LONRF3: variants seen among roughly 807,000 people sequenced by gnomAD.
LONRF3 encodes the protein LON peptidase N-terminal domain and RING finger protein 3.
In LONRF3, 19 loss-of-function variants were observed where a neutral mutation model predicts 51.7. The ratio of observed to expected loss-of-function variants is 0.37; its 90% CI spans 0.26 to 0.54. The LOEUF is 0.54. Among genes scored for constraint, LONRF3 ranks in the 20% least tolerant of loss-of-function variants. The pLI, the probability that LONRF3 is intolerant of heterozygous loss-of-function variation, is 0.86. For synonymous variants in LONRF3, 265 were observed against 257.8 expected (o/e 1.03, Z -0.27); for missense variants, 521 against 623.9 (o/e 0.84, Z 1.76).
intron 5 of LONRF3, among the ~76,000 whole-genome samples, chrX:118,992,187 G>T (rs1923476619): frequency 9.0e-6 from 1 of 111,609 alleles, no homozygotes; most frequent in Middle Eastern, 4.6e-3. Context: ...ATCCCGAGAG[G>T]GCCCACAGTC....
intron 5 of LONRF3, among the ~76,000 whole-genome samples, chrX:119,000,786 TCTCTCTCTCTCTCTCTCTCTCTCTC>T (rs1924232670): frequency 5.7e-4 from 2 of 3,495 alleles, no homozygotes; most frequent in African/African-American, 2.9e-3. Flanking sequence ...TCTCTCTCTC[TCTCTCTCTCTCTCTCTCTCTCTCTC>T]TCTCTCTCTC....
chrX:119,014,109 A>G (rs1378711827), intron 9 of LONRF3, 98 bp from the exon 10 acceptor site: 8 of 921,840 alleles, frequency 8.7e-6, no homozygotes, highest in Non-Finnish European at 1.2e-5. Context: ...TCCCATAGGA[A>G]GGCAGGATGG....
In LONRF3 at chrX:119,006,131, G is replaced by A. The variant is rs1452784658; in HGVS notation, c.1426G>A (p.Glu476Lys). ...ATTCCTAAATTTCAGATTATTCTAT[G>A]AGCCAGTCACAACACCTTGCGGGCA... Reference protein sequence around the residue: ...ECALCMRLFYEPVTTPCGHTF... With the variant: ...ECALCMRLFYKPVTTPCGHTF... Residue 476 changes from glutamate to lysine, a missense_variant, in exon 6 of 11, where the codon GAG becomes AAG. Transcript: ENST00000371628. The A allele has an allele frequency of 8.6e-7, 1 of 1,160,043 alleles. No individual in the cohort carries two copies. The highest frequency in any genetic ancestry group is 1.2e-6 in the Non-Finnish European group (1 of 859,495).
chrX:119,003,502 C>T (rs1338011613), intron 5 of LONRF3, among the ~76,000 whole-genome samples: 1 of 112,274 alleles, frequency 8.9e-6, no homozygotes, highest in Non-Finnish European at 1.9e-5. Context: ...AAATCTTTCC[C>T]CCATCTGCTT....
chrX:118,986,140 T>A (rs934638991), intron 3 of LONRF3, among the ~76,000 whole-genome samples: 1 of 109,494 alleles, frequency 9.1e-6, no homozygotes, highest in Non-Finnish European at 1.9e-5. Context: ...GGCAAGAATG[T>A]GGACAGTGAA....
In LONRF3 at chrX:119,017,904, G is replaced by A. The variant is rs7879672; in HGVS notation, c.*214G>A. 1,055 of 312,654 alleles carry A rather than the reference G, an allele frequency of 3.4e-3. 5 individuals carry two copies. The highest frequency in any genetic ancestry group is 0.023 in the African/African-American group (864 of 36,947). The allele number at this position is 312,654 out of a possible 1,213,427, so 25.8% of individuals were successfully genotyped here. ...GTCTTAAGATGCTTCTTGACATGCT[G>A]CATAACTACATAAACAGCAGAGGTG... On this transcript the variant is annotated 3_prime_UTR_variant, in exon 11 of 11. Coordinates refer to ENST00000371628, the MANE Select transcript of LONRF3 (RefSeq NM_001031855.3).
chrX:118,975,302 C>CCA lies in LONRF3; in HGVS notation c.526_527dup (p.Phe177ProfsTer27). 1 of 1,210,350 alleles carries CCA rather than the reference C, an allele frequency of 8.3e-7. No homozygotes were observed. The highest frequency in any genetic ancestry group is 1.1e-6 in the Non-Finnish European group (1 of 895,088). ...CAGACCCCGTGTCCTTGTCGTGTGG[C>CCA]CACACCTTTTGTAAACTGTGCCTGG... On this transcript the variant is annotated frameshift_variant, in exon 1 of 11. Transcript: ENST00000371628. LOFTEE classifies it high-confidence loss of function.
intron 1 of LONRF3, among the ~76,000 whole-genome samples, chrX:118,977,170 G>GA (rs35249118): frequency 0.12 from 12,346 of 106,784 alleles, 1,008 homozygotes; most frequent in East Asian, 0.46. Context: ...CACCCCTGGG[G>GA]AAAAAAAAAA....
intron 6 of LONRF3, among the ~76,000 whole-genome samples, chrX:119,007,884 AAG>A (rs1287098407): frequency 1.8e-5 from 2 of 112,450 alleles, no homozygotes; most frequent in African/African-American, 6.5e-5. Context: ...AAGTGGAAAG[AAG>A]AAAAATCTAC....
intron 10 of LONRF3, among the ~76,000 whole-genome samples, chrX:119,015,015 T>C (rs1418904040): frequency 1.8e-5 from 2 of 111,892 alleles, no homozygotes; most frequent in Admixed American, 9.5e-5. Context: ...TCCTGGGGGA[T>C]AGGCCTATTT....
chrX:118,980,903 T>C (rs36113925), intron 2 of LONRF3, among the ~76,000 whole-genome samples: 1,573 of 111,797 alleles, frequency 0.014, 21 homozygotes, highest in African/African-American at 0.048. Context: ...AAGTATTAAA[T>C]AGGAGTTTCA....
Position 119,009,122 on chromosome X carries a change from G to A in LONRF3, c.1531-4G>A, listed in dbSNP as rs184602582. 3.8e-4 allele frequency: 454 copies of A among 1,204,400 alleles called. 3 individuals carry two copies. The African/African-American group carries it at 6.6e-3, about 17-fold the overall frequency. On this transcript the variant is annotated splice_polypyrimidine_tract_variant and splice_region_variant and intron_variant, in intron 6 of 10. Transcript: ENST00000371628. ...ATATTGTCTAATTGCCTCCCCCCATGTAGTGCTTGGCATCAAGAAAATACA... is the reference window on the plus strand; with the variant it reads ...ATATTGTCTAATTGCCTCCCCCCATATAGTGCTTGGCATCAAGAAAATACA...
intron 3 of LONRF3, chrX:118,986,955 C>T: frequency 8.7e-7 from 1 of 1,154,234 alleles, no homozygotes; most frequent in Non-Finnish European, 1.1e-6. Flanking sequence ...ACCATCAGTC[C>T]CGGGGGATTC....
intron 2 of LONRF3, 49 bp from the exon 3 acceptor site, chrX:118,982,772 T>A: frequency 1.7e-6 from 2 of 1,202,339 alleles, no homozygotes; most frequent in Non-Finnish European, 2.3e-6. Context: ...AGAGCAGTAG[T>A]GTTAATAGGC....
At chrX:118,998,526 G>A (rs1053574134) in intron 5 of LONRF3, among the ~76,000 whole-genome samples, 2 of 110,443 alleles carry the variant, frequency 1.8e-5, no homozygotes, top group Non-Finnish European at 3.8e-5. Flanking sequence ...CTCGGGTGAT[G>A]GTGCACCAAA....
intron 10 of LONRF3, 151 bp downstream of exon 10, chrX:119,014,507 C>T (rs894203098): frequency 3.6e-5 from 19 of 528,159 alleles, no homozygotes; most frequent in Admixed American, 8.0e-5. Context: ...GCACAGTGAG[C>T]GTCATGAGTA....
intron 4 of LONRF3, among the ~76,000 whole-genome samples, chrX:118,990,044 C>T (rs1457296830): frequency 8.9e-6 from 1 of 111,803 alleles, no homozygotes; most frequent in African/African-American, 3.3e-5. Context: ...CAGGCCTCAC[C>T]CTGCTCATTC....
chrX:119,014,916 C>A (rs926199486), intron 10 of LONRF3, among the ~76,000 whole-genome samples: 3 of 111,924 alleles, frequency 2.7e-5, no homozygotes, highest in East Asian at 2.8e-4. Flanking sequence ...ATTGTCCTCA[C>A]CAGGGCTGAA....
chrX:118,985,220 C>T (rs901653734), intron 3 of LONRF3, among the ~76,000 whole-genome samples: 2 of 112,134 alleles, frequency 1.8e-5, no homozygotes, highest in Non-Finnish European at 3.8e-5. Context: ...GCCCTTTCAT[C>T]CTTGCACCTT....
Sources: gnomAD v4.1 joint callset for allele counts (sites outside exome capture counted in the v4.1 genomes callset) on GRCh38, gnomAD v4.1.1 for gene constraint, MANE v1.5 for transcripts, NCBI Gene and HGNC (gene_info 2026-07-23, HGNC 2026-07-21) for gene names.